The following TTLL5 variants were observed in gnomAD, a reference collection of about 807,000 sequenced individuals.
TTLL5 encodes the protein tubulin tyrosine ligase like 5.
A neutral mutation model predicts 168.4 loss-of-function variants in TTLL5; 132 were observed. That is an observed-to-expected ratio of 0.78 (90% CI 0.68 to 0.91). The LOEUF (loss-of-function observed/expected upper bound fraction) is 0.91. TTLL5 is among the 40% of genes least tolerant of loss of function. The probability of loss-of-function intolerance (pLI) is 0.00; values close to 1 mark genes in which losing one functional copy is unlikely to be tolerated. For missense variants in TTLL5, 1,545 were observed against 1,581.5 expected, an observed-to-expected ratio of 0.98 and a Z score of 0.39; for synonymous variants, 546 against 558.6, an observed-to-expected ratio of 0.98 and a Z score of 0.32.
At chr14:75,859,991 T>G (rs1031257782) in intron 28 of TTLL5, among the ~76,000 whole-genome samples, 2 of 152,254 alleles carry the variant, frequency 1.3e-5, no homozygotes, top group African/African-American at 4.8e-5. Flanking sequence ...CCACCCAGTG[T>G]TGCAGTGTAA....
At chr14:75,949,142 CTA>C (rs1254431856) in intron 31 of TTLL5, among the ~76,000 whole-genome samples, 1 of 151,936 alleles carries the variant, frequency 6.6e-6, no homozygotes, top group Non-Finnish European at 1.5e-5. Context: ...TTCAAATAGA[CTA>C]TTGGCTTTAT....
intron 3 of TTLL5, among the ~76,000 whole-genome samples, chr14:75,680,557 G>A (rs928746595): frequency 6.6e-6 from 1 of 151,724 alleles, no homozygotes; most frequent in African/African-American, 2.4e-5. Context: ...TCTAACCTCT[G>A]GTCTAAGATG....
chr14:75,704,818 A>T (rs916661078), intron 7 of TTLL5, among the ~76,000 whole-genome samples: 1 of 152,254 alleles, frequency 6.6e-6, no homozygotes, highest in African/African-American at 2.4e-5. Context: ...AATAGAACAC[A>T]TAGTAAAGTT....
chr14:75,902,129 C>CT lies in TTLL5; in HGVS notation c.3741-10dup. 1 of 1,614,110 alleles carries CT rather than the reference C, an allele frequency of 6.2e-7. No homozygotes were observed. The highest frequency in any genetic ancestry group is 1.3e-5 in the African/African-American group (1 of 75,020). On this transcript the variant is annotated splice_polypyrimidine_tract_variant and intron_variant, in intron 30 of 31. Coordinates refer to ENST00000298832, the MANE Select transcript of TTLL5 (RefSeq NM_015072.5). ...TCCGCCTGCAGGTCTGACCAAGCTC[C>CT]TTTGTGTTTCAGAGGGTCCTCCGCG...
rs748507743 is a variant in TTLL5 at position 75,707,640 on chromosome 14, C to T, written c.673C>T (p.Arg225Cys). The change falls in exon 9 of 32, where the codon CGC (arginine) becomes TGC (cysteine). Residue 225 changes from arginine to cysteine, a missense_variant. Transcript: ENST00000298832. ...LLIDDFKFDV[R>C]LYVLVTSYDP... ...TTTTTTAGATTTCAAGTTTGACGTG[C>T]GCCTCTATGTGCTCGTGACTTCCTA... 6.2e-6 allele frequency: 10 copies of T among 1,609,552 alleles called. 1 individual carries two copies. The South Asian group carries it at 7.7e-5, about 12-fold the overall frequency.
intron 12 of TTLL5, among the ~76,000 whole-genome samples, chr14:75,724,766 T>C (rs1187942509): frequency 6.6e-6 from 1 of 152,216 alleles, no homozygotes; most frequent in East Asian, 1.9e-4. Flanking sequence ...TTTTACAATC[T>C]AATTTTTACT....
At chr14:75,914,033 A>AAAAAAAATATATATATAT in intron 31 of TTLL5, among the ~76,000 whole-genome samples, 6 of 71,092 alleles carry the variant, frequency 8.4e-5, no homozygotes, top group Admixed American at 1.8e-4. Context: ...AAAAAAAAAA[A>AAAAAAAATATATATATAT]ATATATATAT....
At chr14:75,840,516 A>T (rs746714587) in intron 28 of TTLL5, among the ~76,000 whole-genome samples, 1 of 151,312 alleles carries the variant, frequency 6.6e-6, no homozygotes, top group African/African-American at 2.4e-5. Context: ...AGACACAGTC[A>T]TTTTTTCAGC....
intron 2 of TTLL5, among the ~76,000 whole-genome samples, chr14:75,665,832 A>G (rs1419652566): frequency 1.3e-5 from 2 of 152,224 alleles, no homozygotes; most frequent in Non-Finnish European, 2.9e-5. Flanking sequence ...AGCCTGGGAG[A>G]CAGAGTGAGA....
intron 31 of TTLL5, among the ~76,000 whole-genome samples, chr14:75,923,599 T>C (rs2033902511): frequency 1.3e-5 from 2 of 152,350 alleles, no homozygotes; most frequent in Middle Eastern, 6.8e-3. Flanking sequence ...TTCTGTTCTT[T>C]TACATTTGCT....
chr14:75,801,382 T>C (rs1218763780), intron 27 of TTLL5, among the ~76,000 whole-genome samples: 1 of 152,200 alleles, frequency 6.6e-6, no homozygotes, highest in Non-Finnish European at 1.5e-5. Flanking sequence ...GCATAAGATA[T>C]TTTGATACAG....
At chr14:75,844,748 C>T (rs1055655471) in intron 28 of TTLL5, among the ~76,000 whole-genome samples, 1 of 152,252 alleles carries the variant, frequency 6.6e-6, no homozygotes, top group South Asian at 2.1e-4. Flanking sequence ...CTAAGCCACA[C>T]TCACTCATGC....
rs745486068 is a variant in TTLL5, at chr14:75,820,058, G to A, written c.3223G>A (p.Ala1075Thr). ...TGIINRSSAS[A>T]PPTLRPIISP... ...CATCATAAACAGAAGCAGTGCTTCAGCTCCCCCAACCCTCCGACCCATCAT... is the reference window on the plus strand; with the variant it reads ...CATCATAAACAGAAGCAGTGCTTCAACTCCCCCAACCCTCCGACCCATCAT... Residue 1075 changes from alanine to threonine, a missense_variant, in exon 28 of 32, where the codon GCT becomes ACT. Transcript: ENST00000298832. 1 of 1,606,698 alleles carries A rather than the reference G, an allele frequency of 6.2e-7. No homozygotes were observed. The highest frequency in any genetic ancestry group is 1.3e-5 in the African/African-American group (1 of 74,414).
At chr14:75,671,858 G>A (rs1240228580) in intron 3 of TTLL5, among the ~76,000 whole-genome samples, 1 of 152,148 alleles carries the variant, frequency 6.6e-6, no homozygotes, top group African/African-American at 2.4e-5. Context: ...CAACGTGGAT[G>A]CCTTTTATTT....
intron 29 of TTLL5, among the ~76,000 whole-genome samples, chr14:75,874,698 G>T (rs936167159): frequency 4.6e-5 from 7 of 152,136 alleles, no homozygotes; most frequent in Non-Finnish European, 7.3e-5. Flanking sequence ...CTACTTTGAG[G>T]AAATTATTTT....
chr14:75,777,475 C>T (rs1028498196), intron 23 of TTLL5, among the ~76,000 whole-genome samples: 7 of 152,076 alleles, frequency 4.6e-5, no homozygotes, highest in South Asian at 2.1e-4. Flanking sequence ...TGGAAAATCT[C>T]GATATTCATC....
At chr14:75,920,272 A>AT (rs1023889736) in intron 31 of TTLL5, among the ~76,000 whole-genome samples, 2 of 151,626 alleles carry the variant, frequency 1.3e-5, no homozygotes, top group South Asian at 2.1e-4. Flanking sequence ...AGATAACCCA[A>AT]TTTTTTTTTA....
At chr14:75,888,463 G>A (rs916664958) in intron 30 of TTLL5, among the ~76,000 whole-genome samples, 7 of 152,132 alleles carry the variant, frequency 4.6e-5, no homozygotes, top group East Asian at 1.9e-4. Flanking sequence ...GTATGAAAAC[G>A]CTTTTTTAAA....
intron 2 of TTLL5, among the ~76,000 whole-genome samples, chr14:75,669,145 G>A (rs1883519800): frequency 6.6e-6 from 1 of 152,078 alleles, no homozygotes; most frequent in South Asian, 2.1e-4. Flanking sequence ...GGCTCCAATT[G>A]GTTTATGTGC....
Sources: allele counts gnomAD v4.1 joint callset (sites outside exome capture counted in the v4.1 genomes callset), GRCh38; gene constraint gnomAD v4.1.1; transcripts MANE v1.5; gene names NCBI Gene and HGNC (gene_info 2026-07-23, HGNC 2026-07-21).